Variants in IFNAR2 observed in about 807,000 individuals in gnomAD.
The protein encoded by IFNAR2 is interferon alpha/beta receptor 2.
In IFNAR2, 30 loss-of-function variants were observed where a neutral mutation model predicts 49.4. The observed-to-expected ratio is 0.61, with a 90% CI of 0.45 to 0.82. IFNAR2 has a LOEUF of 0.82. Among genes scored for constraint, IFNAR2 ranks in the 40% least tolerant of loss-of-function variants. The pLI is 0.00. For synonymous variants in IFNAR2, 224 were observed against 234.5 expected, an observed-to-expected ratio of 0.96 and a Z score of 0.41; for missense variants, 600 against 622.7, an observed-to-expected ratio of 0.96 and a Z score of 0.39.
Position 33,242,539 on chromosome 21 carries a change from T to C in IFNAR2, c.55+562T>C, listed in dbSNP as rs919459937. 2.6e-5 allele frequency among the ~76,000 whole-genome samples: 4 copies of C among 151,808 alleles called. No homozygotes were observed. The East Asian group carries it at 7.9e-4, about 30-fold the overall frequency. ...TGAGGTCAGGAGATCGAGACCATCCTGGCTAACATGGTGAAACCCCGTCTC... is the reference window on the plus strand; with the variant it reads ...TGAGGTCAGGAGATCGAGACCATCCCGGCTAACATGGTGAAACCCCGTCTC... On this transcript the variant is annotated intron_variant, in intron 2 of 8. Coordinates refer to ENST00000342136, the MANE Select transcript of IFNAR2 (RefSeq NM_001289125.3).
intron 1 of IFNAR2, among the ~76,000 whole-genome samples, chr21:33,238,252 C>A (rs973108129): frequency 6.6e-6 from 1 of 152,160 alleles, no homozygotes; most frequent in Non-Finnish European, 1.5e-5. Context: ...TACTGACCTG[C>A]CCATTGCTCC....
At chr21:33,252,111 T>TCTATCTAC in intron 6 of IFNAR2, 1 of 462,872 alleles carries the variant, frequency 2.2e-6, no homozygotes, top group African/African-American at 2.0e-5. Flanking sequence ...TATCTATCTA[T>TCTATCTAC]CTATCTATAT....
At position 33,262,793 on chromosome 21, in the gene IFNAR2, A is replaced by T. The variant is rs1555862436; in HGVS notation, c.841A>T (p.Asn281Tyr). ...CLRNSLPKVL[N>Y]FHNFLAWPFP... ...CTCTCTCTTTTTTTTTTTTTTTAAG[A>T]ATTTTCATAACTTTTTAGCCTGGCC... is the stretch of plus-strand genomic sequence containing the variant. The change falls in exon 9 of 9, where the codon AAT (asparagine) becomes TAT (tyrosine). Residue 281 changes from asparagine (N) to tyrosine (Y), a missense_variant and splice_region_variant. Coordinates refer to ENST00000342136, the MANE Select transcript of IFNAR2 (RefSeq NM_001289125.3). The T allele has an allele frequency of 3.8e-6, 6 of 1,576,330 alleles. No homozygotes were observed. The highest frequency in any genetic ancestry group is 2.8e-5 in the African/African-American group (2 of 72,038).
At chr21:33,236,636 C>T (rs967434026) in intron 1 of IFNAR2, 3 of 951,154 alleles carry the variant, frequency 3.2e-6, no homozygotes, top group Non-Finnish European at 3.8e-6. Flanking sequence ...ACAGTAGCAG[C>T]AGCAGTTGTT....
intron 6 of IFNAR2, chr21:33,251,457 G>T: frequency 3.1e-6 from 2 of 637,218 alleles, no homozygotes; most frequent in Non-Finnish European, 3.9e-6. Context: ...GAGAAAAATT[G>T]GAGACAGTGA....
chr21:33,233,008 G>T, intron 1 of IFNAR2: 2 of 872,476 alleles, frequency 2.3e-6, no homozygotes, highest in Non-Finnish European at 2.8e-6. Context: ...TGGAACAGAA[G>T]AAATTCATTA....
intron 6 of IFNAR2, among the ~76,000 whole-genome samples, chr21:33,250,355 A>G (rs1461121358): frequency 6.6e-6 from 1 of 152,088 alleles, no homozygotes. Context: ...GATATTGACT[A>G]CTCTATAAGA....
At chr21:33,248,641 A>G (rs1384106023) in intron 5 of IFNAR2, 68 bp from the exon 6 acceptor site, 1 of 1,470,622 alleles carries the variant, frequency 6.8e-7, no homozygotes, top group East Asian at 2.5e-5. Context: ...GAGAAGAACC[A>G]CTTTAGACTT....
At chr21:33,249,256 A>G (rs1363234741) in intron 6 of IFNAR2, among the ~76,000 whole-genome samples, 1 of 151,668 alleles carries the variant, frequency 6.6e-6, no homozygotes, top group Admixed American at 6.6e-5. Context: ...AGGCAGGATA[A>G]TCGCTTGAAC....
In IFNAR2 at chr21:33,263,825, G is replaced by T; in HGVS notation, c.*325G>T. The stretch of plus-strand genomic sequence containing the variant: ...TCCCCACAGTTTCAGAGGTGGTCCA[G>T]GACCCTATGATATTTCTCTTCTTTC... On this transcript the variant is annotated 3_prime_UTR_variant, in exon 9 of 9. Coordinates refer to ENST00000342136, the MANE Select transcript of IFNAR2 (RefSeq NM_001289125.3). 1 of 251,144 alleles carries T rather than the reference G, an allele frequency of 4.0e-6. No individual in the cohort carries two copies. The highest frequency in any genetic ancestry group is 7.6e-6 in the Non-Finnish European group (1 of 130,786). 15.6% of individuals were successfully genotyped at this position (251,144 alleles called of 1,614,324 possible). A position where few individuals can be genotyped will look rare whatever the true frequency, so the allele number is the denominator to read the frequency against.
chr21:33,244,505 A>G (rs983222019), intron 3 of IFNAR2, among the ~76,000 whole-genome samples: 8 of 152,218 alleles, frequency 5.3e-5, no homozygotes, highest in African/African-American at 1.4e-4. Context: ...GAGGAAGGAA[A>G]ATTTGCAGCG....
intron 7 of IFNAR2, among the ~76,000 whole-genome samples, chr21:33,256,769 A>T (rs942565590): frequency 3.3e-5 from 5 of 152,256 alleles, no homozygotes; most frequent in African/African-American, 9.6e-5. Context: ...AACAAAACAG[A>T]TTAAAAACTT....
At position 33,265,484 on chromosome 21, in the gene IFNAR2, A is replaced by G. The variant is rs917788930; in HGVS notation, c.*1984A>G. The stretch of plus-strand genomic sequence containing the variant: ...ATTCCATAGGAAAGAGGCCTTTTGT[A>G]TATTGAATCAATTTATCTGCCTTCT... On this transcript the variant is annotated 3_prime_UTR_variant, in exon 9 of 9. Transcript: ENST00000342136. 1.3e-5 allele frequency: 2 copies of G among 155,326 alleles called. No homozygotes were observed. Among genetic ancestry groups the G allele is most frequent in the African/African-American group, 2.4e-5 (1 of 41,450 alleles). The allele number at this position is 155,326 out of a possible 1,614,324, so 9.6% of individuals were successfully genotyped here.
At chr21:33,236,641 G>C (rs749112205) in intron 1 of IFNAR2, 9 of 966,220 alleles carry the variant, frequency 9.3e-6, no homozygotes, top group Non-Finnish European at 1.1e-5. Flanking sequence ...AGCAGCAGCA[G>C]TTGTTAGGCA....
chr21:33,257,246 A>C (rs942065874), intron 7 of IFNAR2, among the ~76,000 whole-genome samples: 2 of 152,190 alleles, frequency 1.3e-5, no homozygotes. Flanking sequence ...GGTTCCTGCC[A>C]ATGGGTTCGT....
At chr21:33,240,469 A>G (rs1328693456) in intron 1 of IFNAR2, among the ~76,000 whole-genome samples, 1 of 152,218 alleles carries the variant, frequency 6.6e-6, no homozygotes, top group Non-Finnish European at 1.5e-5. Context: ...AGAACACAGC[A>G]CTGTTCACAG....
intron 7 of IFNAR2, among the ~76,000 whole-genome samples, chr21:33,254,498 T>A (rs1272710444): frequency 1.3e-5 from 2 of 152,198 alleles, no homozygotes; most frequent in African/African-American, 4.8e-5. Context: ...GTCCAGGTGT[T>A]CTTCCTGATC....
intron 2 of IFNAR2, among the ~76,000 whole-genome samples, chr21:33,242,852 G>C (rs1987080701): frequency 6.8e-6 from 1 of 148,080 alleles, no homozygotes; most frequent in Non-Finnish European, 1.5e-5. Flanking sequence ...TGCAGGGTGT[G>C]AGCTCAGCTC....
At chr21:33,261,014 G>T (rs1988533422) in intron 8 of IFNAR2, among the ~76,000 whole-genome samples, 5 of 93,586 alleles carry the variant, frequency 5.3e-5, no homozygotes, top group Non-Finnish European at 1.1e-4. Context: ...CTGTGCATCT[G>T]TGCATTTTAT....
Sources: allele counts gnomAD v4.1 joint callset (sites outside exome capture counted in the v4.1 genomes callset), GRCh38; gene constraint gnomAD v4.1.1; transcripts MANE v1.5; gene names NCBI Gene and HGNC (gene_info 2026-07-23, HGNC 2026-07-21).